SDCCAG8: variants seen among roughly 807,000 people sequenced by gnomAD.
SDCCAG8 encodes SHH signaling and ciliogenesis regulator SDCCAG8.
A neutral mutation model predicts 101.8 loss-of-function variants in SDCCAG8; 74 were observed. That is an observed-to-expected ratio of 0.73 (90% CI 0.60 to 0.88). The LOEUF (loss-of-function observed/expected upper bound fraction) is 0.88. Among genes scored for constraint, SDCCAG8 ranks in the 40% least tolerant of loss-of-function variants. SDCCAG8 has a pLI of 0.00. For missense variants in SDCCAG8, 787 were observed against 822.6 expected (o/e 0.96, Z 0.53); for synonymous variants, 281 against 292.9 (o/e 0.96, Z 0.41).
chr1:243,358,638 C>T (rs1358823010), intron 12 of SDCCAG8, among the ~76,000 whole-genome samples: 1 of 152,168 alleles, frequency 6.6e-6, no homozygotes, highest in Non-Finnish European at 1.5e-5. Context: ...AAACATGCTA[C>T]TCAAAAACTT....
intron 8 of SDCCAG8, among the ~76,000 whole-genome samples, chr1:243,311,480 GA>G (rs2072720118): frequency 6.6e-6 from 1 of 152,146 alleles, no homozygotes; most frequent in Non-Finnish European, 1.5e-5. Flanking sequence ...CAATGAAATT[GA>G]AAGGGTGTCA....
intron 8 of SDCCAG8, among the ~76,000 whole-genome samples, chr1:243,314,316 T>C (rs1416644113): frequency 4.6e-5 from 7 of 152,224 alleles, no homozygotes; most frequent in Admixed American, 4.6e-4. Flanking sequence ...CATCTGTATA[T>C]TGGAGTTTTA....
intron 17 of SDCCAG8, among the ~76,000 whole-genome samples, chr1:243,496,342 G>A (rs1016722227): frequency 6.6e-6 from 1 of 151,168 alleles, no homozygotes; most frequent in African/African-American, 2.4e-5. Flanking sequence ...GGCGGAGGCG[G>A]GAGGCGAGCC....
At chr1:243,399,558 G>A (rs1011281306) in intron 13 of SDCCAG8, among the ~76,000 whole-genome samples, 1 of 151,978 alleles carries the variant, frequency 6.6e-6, no homozygotes, top group Non-Finnish European at 1.5e-5. Context: ...CCAGGCTAGA[G>A]TGCAGTGGCG....
intron 9 of SDCCAG8, among the ~76,000 whole-genome samples, chr1:243,323,497 C>G (rs983980662): frequency 6.6e-6 from 1 of 152,096 alleles, no homozygotes; most frequent in Non-Finnish European, 1.5e-5. Context: ...ATTTTTCTTG[C>G]ATCCTTTATC....
intron 13 of SDCCAG8, among the ~76,000 whole-genome samples, chr1:243,403,518 A>G (rs1331869739): frequency 7.2e-5 from 11 of 152,168 alleles, no homozygotes; most frequent in Admixed American, 6.5e-4. Context: ...CTATGAGGAG[A>G]GGTACTGTTA....
chr1:243,429,045 T>C (rs1246000977), intron 16 of SDCCAG8, among the ~76,000 whole-genome samples: 1 of 152,166 alleles, frequency 6.6e-6, no homozygotes, highest in Non-Finnish European at 1.5e-5. Context: ...CCATACGAAG[T>C]GCCACTAGTG....
At chr1:243,323,522 G>C (rs2073923979) in intron 9 of SDCCAG8, among the ~76,000 whole-genome samples, 1 of 151,904 alleles carries the variant, frequency 6.6e-6, no homozygotes, top group Admixed American at 6.6e-5. Flanking sequence ...TCTCTCCACT[G>C]TTTTTCCCCC....
chr1:243,298,883 C>T (rs1207172301), intron 6 of SDCCAG8, among the ~76,000 whole-genome samples: 1 of 152,170 alleles, frequency 6.6e-6, no homozygotes, highest in African/African-American at 2.4e-5. Flanking sequence ...CCAAGTCTTC[C>T]AACATTGTTC....
intron 16 of SDCCAG8, among the ~76,000 whole-genome samples, chr1:243,485,894 GAA>G (rs111581512): frequency 9.8e-6 from 1 of 102,458 alleles, no homozygotes. Context: ...TTCGTATCAA[GAA>G]AAAAAAAAAA....
chr1:243,307,737 C>T, intron 7 of SDCCAG8: 2 of 1,386,300 alleles, frequency 1.4e-6, no homozygotes, highest in Non-Finnish European at 9.3e-7. Flanking sequence ...GGATTCTAAT[C>T]TATATTAAAA....
chr1:243,288,890 C>T (rs1470629311), intron 5 of SDCCAG8, among the ~76,000 whole-genome samples: 2 of 151,580 alleles, frequency 1.3e-5, no homozygotes, highest in East Asian at 3.9e-4. Context: ...ACCTGTAGTC[C>T]CAGCTACTTG....
chr1:243,450,141 G>A (rs939687643), intron 16 of SDCCAG8, among the ~76,000 whole-genome samples: 3 of 152,126 alleles, frequency 2.0e-5, no homozygotes, highest in African/African-American at 7.2e-5. Flanking sequence ...GGCCTTCGAT[G>A]TCCTTCTCTC....
Position 243,416,097 on chromosome 1 carries a change from G to A in SDCCAG8, c.1744+268G>A, listed in dbSNP as rs187929045. Among the ~76,000 whole-genome samples the A allele has an allele frequency of 6.6e-6, 1 of 152,318 alleles. No homozygotes were observed. The highest frequency in any genetic ancestry group is 1.9e-4 in the East Asian group (1 of 5,182). On this transcript the variant is annotated intron_variant, in intron 14 of 17. Coordinates refer to ENST00000366541, the MANE Select transcript of SDCCAG8 (RefSeq NM_006642.5). The surrounding 1 kb of genome is among the most constrained non-coding windows in gnomAD (Gnocchi z 4.3). Reference sequence around the variant, plus strand: ...GTTTATTTACCTGTGTTCAAGAAACGTAAAGCTGAGAGAGACCACAACAAA... The same window carrying A: ...GTTTATTTACCTGTGTTCAAGAAACATAAAGCTGAGAGAGACCACAACAAA...
intron 16 of SDCCAG8, among the ~76,000 whole-genome samples, chr1:243,438,223 G>A (rs568984919): frequency 6.6e-6 from 1 of 152,260 alleles, no homozygotes; most frequent in African/African-American, 2.4e-5. Context: ...GGTTTCTCTT[G>A]TCCTCTTGTG....
chr1:243,295,482 C>T (rs2070780124), intron 6 of SDCCAG8, among the ~76,000 whole-genome samples: 1 of 152,072 alleles, frequency 6.6e-6, no homozygotes. Flanking sequence ...GTAATCCACC[C>T]GCCTCGGCCT....
intron 3 of SDCCAG8, among the ~76,000 whole-genome samples, chr1:243,272,119 C>T (rs2068140664): frequency 6.6e-6 from 1 of 152,156 alleles, no homozygotes; most frequent in African/African-American, 2.4e-5. Context: ...TTGTGCCTGT[C>T]TCACAGAGTT....
intron 12 of SDCCAG8, among the ~76,000 whole-genome samples, chr1:243,348,202 A>ATTTTTTTTTTT (rs74162279): frequency 1.6e-4 from 21 of 131,648 alleles, no homozygotes; most frequent in African/African-American, 6.1e-4. Context: ...CGCCCGGCTA[A>ATTTTTTTTTTT]TTTTTTTTTT....
chr1:243,342,325 A>G (rs2075426527), intron 11 of SDCCAG8, among the ~76,000 whole-genome samples: 1 of 152,244 alleles, frequency 6.6e-6, no homozygotes. Context: ...ACATCAGAAG[A>G]GCGATTAGAC....
Sources: gnomAD v4.1 joint callset for allele counts (sites outside exome capture counted in the v4.1 genomes callset) on GRCh38, gnomAD v4.1.1 for gene constraint, Gnocchi (gnomAD v3.1) non-coding constraint, MANE v1.5 for transcripts, NCBI Gene and HGNC (gene_info 2026-07-23, HGNC 2026-07-21) for gene names.